ZNF768: variants seen among roughly 807,000 people sequenced by gnomAD.
ZNF768 encodes the protein zinc finger protein 768.
ZNF768 carries 12 observed loss-of-function variants against 39.7 expected under a neutral mutation model. The observed-to-expected ratio is 0.30, with a 90% CI of 0.19 to 0.49. The LOEUF (loss-of-function observed/expected upper bound fraction) is 0.49. Ranked by LOEUF, ZNF768 falls within the 20% of genes least tolerant of loss-of-function variation. The pLI, the probability that ZNF768 is intolerant of heterozygous loss-of-function variation, is 0.99. For missense variants in ZNF768, 613 were observed against 723.2 expected (o/e 0.85, Z 1.75); for synonymous variants, 360 against 288.4 (o/e 1.25, Z -2.52).
Position 30,524,342 on chromosome 16 carries a change from C to A in ZNF768, c.*175G>T. ...CGCTGCCGGCCTGGCCTCCCTCCAA[C>A]CCACTTCCCACAAGTCTCCAGGGCA... On this transcript the variant is annotated 3_prime_UTR_variant, in exon 2 of 2. Coordinates refer to ENST00000380412, the MANE Select transcript of ZNF768 (RefSeq NM_024671.4). The A allele has an allele frequency of 8.8e-7, 1 of 1,134,126 alleles. No individual in the cohort carries two copies. The highest frequency in any genetic ancestry group is 1.2e-6 in the Non-Finnish European group (1 of 830,832). 70.3% of individuals were successfully genotyped at this position (1,134,126 alleles called of 1,614,324 possible). A position where few individuals can be genotyped will look rare whatever the true frequency, so the allele number is the denominator to read the frequency against.
At position 30,525,775 on chromosome 16, in the gene ZNF768, T is replaced by C; in HGVS notation, c.365A>G (p.Glu122Gly). The part of the protein sequence containing the change: ...PEFESQSPRY[E>G]PQSPGYEPRS... ...AGGTTCATAGCCAGGGCTTTGGGGT[T>C]CATACCTAGGGCTCTGGGATTCAAA... Residue 122 changes from glutamate to glycine, a missense_variant, in exon 2 of 2, where the codon GAA becomes GGA. This residue lies in a region of ZNF768 where 347 missense variants were observed against 326.1 expected (regional missense o/e 1.06). Coordinates refer to ENST00000380412, the MANE Select transcript of ZNF768 (RefSeq NM_024671.4). 1 of 1,583,918 alleles carries C rather than the reference T, an allele frequency of 6.3e-7. No homozygotes were observed. The highest frequency in any genetic ancestry group is 1.2e-5 in the South Asian group (1 of 86,434).
At chr16:30,530,692 C>T (rs2051362653), upstream of ZNF768, 1 of 152,222 alleles carries the variant, frequency 6.6e-6, no homozygotes, top group Admixed American at 6.5e-5. This position sits in a 1 kb window ranked among gnomAD's most constrained non-coding sequence, Gnocchi z 4.4. Flanking sequence ...ACTTGACACC[C>T]GAACAGTGTC....
chr16:30,530,830 T>C (rs2051363779), upstream of ZNF768: 1 of 152,316 alleles, frequency 6.6e-6, no homozygotes, highest in African/African-American at 2.4e-5. This position sits in a 1 kb window ranked among gnomAD's most constrained non-coding sequence, Gnocchi z 4.4. Context: ...CACAGGCCCT[T>C]GCTCTCCTTG....
chr16:30,527,316 T>C, upstream of ZNF768: 1 of 985,098 alleles, frequency 1.0e-6, no homozygotes, highest in Non-Finnish European at 1.2e-6. Context: ...TCGGCTCCCC[T>C]GATCCTCCTC....
chr16:30,525,195 C>T lies in ZNF768; in HGVS notation c.945G>A (p.Arg315=). Residue 315 remains arginine, a synonymous_variant, in exon 2 of 2, where the codon CGG becomes CGA. Coordinates refer to ENST00000380412, the MANE Select transcript of ZNF768 (RefSeq NM_024671.4). The part of the protein sequence containing the change: ...IKHQRTHTGE[R]PYKCPRCGKA... ...TGCCGCAACGGGGACATTTGTAGGG[C>T]CGCTCGCCAGTGTGGGTGCGCTGGT... 5 of 1,614,186 alleles carry T rather than the reference C, an allele frequency of 3.1e-6. No individual in the cohort carries two copies. The highest frequency in any genetic ancestry group is 4.2e-6 in the Non-Finnish European group (5 of 1,180,038).
chr16:30,527,098 GAGA>G (rs2051334741), upstream of ZNF768: 1 of 985,122 alleles, frequency 1.0e-6, no homozygotes, highest in Non-Finnish European at 1.2e-6. Flanking sequence ...CAAGGTCAGC[GAGA>G]AGGAGCGACG....
rs896249901 is a variant in ZNF768 at position 30,526,563 on chromosome 16, G to A, written c.-150C>T. 3 of 1,054,750 alleles carry A rather than the reference G, an allele frequency of 2.8e-6. No individual in the cohort carries two copies. Among genetic ancestry groups the A allele is most frequent in the South Asian group, 4.5e-5 (1 of 22,162 alleles). 65.3% of individuals were successfully genotyped at this position (1,054,750 alleles called of 1,614,324 possible). On this transcript the variant is annotated 5_prime_UTR_variant, in exon 1 of 2. It adds an upstream start codon to the 5' untranslated region. Transcript: ENST00000380412. Reference sequence around the variant, plus strand: ...CCAGCCCGGGCCCCCGAGGCCGGACGTCTTGACCCCGCGCCTCTCCAGCGC... The same window carrying A: ...CCAGCCCGGGCCCCCGAGGCCGGACATCTTGACCCCGCGCCTCTCCAGCGC...
intron 1 of ZNF768, 53 bp downstream of exon 1, chr16:30,526,273 A>C: frequency 6.2e-7 from 1 of 1,600,832 alleles, no homozygotes; most frequent in East Asian, 2.3e-5. Flanking sequence ...CTGGAGCCAC[A>C]GCCCCTTCTC....
chr16:30,526,101 T>C (rs2051320923), intron 1 of ZNF768, 50 bp from the exon 2 acceptor site: 1 of 1,493,348 alleles, frequency 6.7e-7, no homozygotes, highest in Non-Finnish European at 8.9e-7. Flanking sequence ...GGTCATTTGG[T>C]CCATTAGCAA....
At chr16:30,526,585 G>A, upstream of ZNF768, 1 of 1,024,810 alleles carries the variant, frequency 9.8e-7, no homozygotes, top group Non-Finnish European at 1.2e-6. Context: ...CGCCTCTCCA[G>A]CGCGCCGGGC....
upstream of ZNF768, chr16:30,527,314 C>T (rs1037450428): frequency 1.4e-5 from 14 of 985,226 alleles, no homozygotes; most frequent in Non-Finnish European, 1.4e-5. Context: ...GCTCGGCTCC[C>T]CTGATCCTCC....
At chr16:30,532,360 G>T in the ZNF768 span, 2 of 957,666 alleles carry the variant, frequency 2.1e-6, no homozygotes, top group Non-Finnish European at 3.1e-6. Flanking sequence ...GCTGCTGAGA[G>T]CCCAAGATCA....
chr16:30,532,133 A>T, the ZNF768 span: 5 of 284,932 alleles, frequency 1.8e-5, no homozygotes, highest in African/African-American at 2.2e-5. Context: ...GGGCAACAAG[A>T]GCAAAACTCC....
chr16:30,526,839 T>TC (rs1421458040), upstream of ZNF768: 2 of 832,484 alleles, frequency 2.4e-6, no homozygotes, highest in South Asian at 1.1e-4. Flanking sequence ...CGCGGCCAGG[T>TC]CCCCCCGCCG....
chr16:30,526,349 C>T lies in ZNF768; in HGVS notation c.65G>A (p.Arg22Lys). Residue 22 changes from arginine (R) to lysine (K), a missense_variant, in exon 1 of 2, where the codon AGG becomes AAG. By Grantham distance (26) the Arg-to-Lys change is conservative. Around this residue, in one of 4 missense-constraint regions of ZNF768, gnomAD observed 347 missense variants for 326.1 expected, o/e 1.06. Transcript: ENST00000380412. ...PQDVQSSDEM[R>K]SPEGYLRGNM... ...ACCTCTGAGGTACCCTTCGGGGCTC[C>T]TCATTTCGTCAGAACTCTGCACATC... is the stretch of plus-strand genomic sequence containing the variant. 12 of 1,608,576 alleles carry T rather than the reference C, an allele frequency of 7.5e-6. No homozygotes were observed. The highest frequency in any genetic ancestry group is 6.7e-5 in the African/African-American group (5 of 74,414).
chr16:30,525,066 G>T lies in ZNF768; in HGVS notation c.1074C>A (p.Ser358=). ...PHCGKAFGDS[S]YLLRHQRTHS... The stretch of plus-strand genomic sequence containing the variant: ...GGGTGCGCTGGTGTCGCAGGAGGTA[G>T]GAGCTGTCGCCGAAGGCCTTGCCAC... Residue 358 remains serine, a synonymous_variant, in exon 2 of 2, where the codon TCC becomes TCA. Coordinates refer to ENST00000380412, the MANE Select transcript of ZNF768 (RefSeq NM_024671.4). 1 of 1,613,510 alleles carries T rather than the reference G, an allele frequency of 6.2e-7. No homozygotes were observed. The highest frequency in any genetic ancestry group is 1.3e-5 in the African/African-American group (1 of 74,794).
In ZNF768 at chr16:30,524,535, G is replaced by C; in HGVS notation, c.1605C>G (p.His535Gln). The change falls in exon 2 of 2, where the codon CAC becomes CAG. Residue 535 changes from histidine (H) to glutamine (Q), a missense_variant. Around this residue, in one of 4 missense-constraint regions of ZNF768, gnomAD observed 204 missense variants for 281.7 expected, o/e 0.72. Coordinates refer to ENST00000380412, the MANE Select transcript of ZNF768 (RefSeq NM_024671.4). ...SSDLIRHQRTHAAGRR is the reference protein window; with the variant it reads ...SSDLIRHQRTQAAGRR ...CCCCAGGTCAGCGCCGGCCCGCCGC[G>C]TGGGTCCGCTGGTGGCGGATGAGGT... 6.2e-7 allele frequency: 1 copy of C among 1,609,532 alleles called. No homozygotes were observed.
At chr16:30,527,028 C>T (rs937350009), upstream of ZNF768, 4 of 985,464 alleles carry the variant, frequency 4.1e-6, no homozygotes, top group Non-Finnish European at 4.8e-6. Context: ...GCCCGTCTGT[C>T]CATCTCCCGG....
upstream of ZNF768, chr16:30,527,249 A>G (rs555166265): frequency 1.7e-3 from 1,706 of 984,330 alleles, 5 homozygotes; most frequent in Admixed American, 2.8e-3. Flanking sequence ...CCCTCCAGGA[A>G]CTCCGCTCCC....
Sources: allele counts gnomAD v4.1 joint callset, GRCh38; gene constraint gnomAD v4.1.1; regional missense constraint gnomAD v4.1.1; non-coding constraint Gnocchi (gnomAD v3.1); transcripts MANE v1.5; gene names NCBI Gene and HGNC (gene_info 2026-07-23, HGNC 2026-07-21).